Variants in FABP12 observed in about 807,000 individuals in gnomAD.
The protein encoded by FABP12 is fatty acid-binding protein 12.
Under a neutral mutation model 13.7 loss-of-function variants are expected in FABP12, and 19 were observed. That is an observed-to-expected ratio of 1.39 (90% CI 0.97 to 2.04). The LOEUF is 2.04. Among genes scored for constraint, FABP12 ranks in the 30% most tolerant of loss-of-function variants. FABP12 has a pLI of 0.00. For missense variants in FABP12, 182 were observed against 164.2 expected (o/e 1.11, Z -0.59); for synonymous variants, 61 against 57.0 (o/e 1.07, Z -0.32).
At chr8:81,584,348 T>A (rs1810211308) in intron 1 of FABP12, among the ~76,000 whole-genome samples, 1 of 152,224 alleles carries the variant, frequency 6.6e-6, no homozygotes, top group African/African-American at 2.4e-5. Context: ...TGCAGCTCCA[T>A]CTTCCCCACT....
exon 5 of FABP12, chr8:81,525,018 G>A (rs1216860181): frequency 1.4e-6 from 2 of 1,471,848 alleles, no homozygotes; most frequent in Non-Finnish European, 1.9e-6. Flanking sequence ...AACAACCTCA[G>A]TAGTTTGGAT....
chr8:81,566,197 A>G (rs1460282201), intron 1 of FABP12, among the ~76,000 whole-genome samples: 1 of 152,020 alleles, frequency 6.6e-6, no homozygotes, highest in Non-Finnish European at 1.5e-5. Context: ...AAAGAATGCC[A>G]TCAGTGACCC....
At chr8:81,538,541 GAAA>G (rs1809278191), upstream of FABP12, among the ~76,000 whole-genome samples, 1 of 152,128 alleles carries the variant, frequency 6.6e-6, no homozygotes, top group Non-Finnish European at 1.5e-5. Flanking sequence ...GGAGACAAAA[GAAA>G]AGGTCACATG....
At chr8:81,564,810 A>G (rs945698325) in intron 1 of FABP12, among the ~76,000 whole-genome samples, 2 of 152,030 alleles carry the variant, frequency 1.3e-5, no homozygotes, top group Non-Finnish European at 2.9e-5. Context: ...CAAATAAGAA[A>G]CTGGTAGGAG....
intron 1 of FABP12, among the ~76,000 whole-genome samples, chr8:81,548,278 A>C (rs141909438): frequency 5.9e-4 from 90 of 152,336 alleles, no homozygotes; most frequent in Middle Eastern, 3.4e-3. Context: ...TTCATGTATT[A>C]GATTATGCTG....
At chr8:81,573,333 G>A (rs116904567) in intron 1 of FABP12, among the ~76,000 whole-genome samples, 7,352 of 152,146 alleles carry the variant, frequency 0.048, 223 homozygotes, top group East Asian at 0.16. Context: ...CTAGTACCAC[G>A]CTGTTTTGGT....
intron 3 of FABP12, among the ~76,000 whole-genome samples, chr8:81,528,935 C>T (rs1808983482): frequency 6.6e-6 from 1 of 152,074 alleles, no homozygotes; most frequent in South Asian, 2.1e-4. Context: ...GTTTACTCCA[C>T]TACACACACA....
upstream of FABP12, among the ~76,000 whole-genome samples, chr8:81,535,320 C>G (rs901090125): frequency 1.3e-5 from 2 of 152,086 alleles, no homozygotes; most frequent in Non-Finnish European, 2.9e-5. Context: ...TTTTATTCAC[C>G]ATCTTATCAA....
intron 1 of FABP12, among the ~76,000 whole-genome samples, chr8:81,572,736 C>A (rs1038380834): frequency 1.3e-5 from 2 of 152,210 alleles, no homozygotes; most frequent in Admixed American, 6.5e-5. Flanking sequence ...GTTTATTGGC[C>A]ATTTGTATAT....
In FABP12 at chr8:81,566,875, T is replaced by C. The variant is rs968794566; in HGVS notation, c.-185+23178A>G. 4.6e-5 allele frequency among the ~76,000 whole-genome samples: 7 copies of C among 152,140 alleles called. No homozygotes were observed. In the South Asian group the frequency reaches 6.2e-4, roughly 14 times the overall value. ...AAAGGAAGAAGTCAAATTATCCTTG[T>C]TTGCAGATGATATAATCTTATATTT... On this transcript the variant is annotated intron_variant, in intron 1 of 5. Coordinates refer to the FABP12 transcript ENST00000692030.
At chr8:81,525,532 AG>A in intron 4 of FABP12, among the ~76,000 whole-genome samples, 2 of 149,460 alleles carry the variant, frequency 1.3e-5, no homozygotes, top group Admixed American at 1.3e-4. Context: ...AAAAAAAAAT[AG>A]ATAGATAGAT....
chr8:81,525,575 A>AGATAGATC (rs1554576064), intron 4 of FABP12, among the ~76,000 whole-genome samples: 61 of 151,308 alleles, frequency 4.0e-4, no homozygotes, highest in African/African-American at 8.8e-4. Flanking sequence ...ATAGATAGAT[A>AGATAGATC]GATCTATATA....
intron 3 of FABP12, among the ~76,000 whole-genome samples, chr8:81,527,815 C>T (rs1808947296): frequency 6.6e-6 from 1 of 152,056 alleles, no homozygotes; most frequent in South Asian, 2.1e-4. Context: ...ATAAATTAGC[C>T]AGGTGTTGTG....
At chr8:81,534,621 T>G (rs1809176378), upstream of FABP12, among the ~76,000 whole-genome samples, 1 of 152,150 alleles carries the variant, frequency 6.6e-6, no homozygotes, top group Admixed American at 6.5e-5. Flanking sequence ...CTCATCTGAT[T>G]ATATTATGAT....
At chr8:81,540,827 A>G (rs1332043202) in intron 1 of FABP12, among the ~76,000 whole-genome samples, 1 of 152,160 alleles carries the variant, frequency 6.6e-6, no homozygotes, top group African/African-American at 2.4e-5. Flanking sequence ...GGAGCTCTGT[A>G]CTGTATTTGC....
At chr8:81,573,679 A>G (rs113761827) in intron 1 of FABP12, among the ~76,000 whole-genome samples, 3,280 of 152,096 alleles carry the variant, frequency 0.022, 100 homozygotes, top group African/African-American at 0.075. Flanking sequence ...GGTTAGGTAT[A>G]TTCCCAAGTT....
intron 1 of FABP12, among the ~76,000 whole-genome samples, chr8:81,551,978 C>T (rs1809529754): frequency 6.6e-6 from 1 of 152,002 alleles, no homozygotes; most frequent in Non-Finnish European, 1.5e-5. Flanking sequence ...TAGCAGAGAA[C>T]AAGGCAAACG....
At chr8:81,543,611 T>C (rs1016203028) in intron 1 of FABP12, among the ~76,000 whole-genome samples, 5 of 152,322 alleles carry the variant, frequency 3.3e-5, no homozygotes, top group African/African-American at 1.2e-4. Flanking sequence ...AAAGTATGTA[T>C]ACCCTGATCA....
intron 1 of FABP12, among the ~76,000 whole-genome samples, chr8:81,582,798 T>C (rs1204068425): frequency 6.6e-6 from 1 of 152,106 alleles, no homozygotes; most frequent in Non-Finnish European, 1.5e-5. Context: ...AAACAGATTA[T>C]CTAGAAAGAA....
Sources: gnomAD v4.1 joint callset for allele counts (sites outside exome capture counted in the v4.1 genomes callset) on GRCh38, gnomAD v4.1.1 for gene constraint, MANE v1.5 for transcripts, NCBI Gene and HGNC (gene_info 2026-07-23, HGNC 2026-07-21) for gene names.